Variants in RNF24 observed in about 807,000 individuals in gnomAD.
RNF24 encodes ring finger protein 24.
In RNF24, 14 loss-of-function variants were observed where a neutral mutation model predicts 20.0. That is an observed-to-expected ratio of 0.70 (90% CI 0.46 to 1.10). RNF24 has a LOEUF of 1.10. Among genes scored for constraint, RNF24 ranks in the 50% least tolerant of loss-of-function variants. RNF24 has a pLI of 0.00. For missense variants in RNF24, 124 were observed against 177.6 expected (o/e 0.70, Z 1.71); for synonymous variants, 45 against 61.1 (o/e 0.74, Z 1.23).
chr20:3,946,690 C>T (rs1289531225), intron 3 of RNF24, among the ~76,000 whole-genome samples: 2 of 86,640 alleles, frequency 2.3e-5, no homozygotes. Flanking sequence ...ACAGAGACCC[C>T]GTCAAAAAAA....
At chr20:3,980,493 T>C (rs984618901) in intron 1 of RNF24, among the ~76,000 whole-genome samples, 6 of 152,268 alleles carry the variant, frequency 3.9e-5, no homozygotes, top group South Asian at 4.1e-4. Context: ...CTACTCAGAA[T>C]GGTGAATAAT....
At chr20:3,988,312 T>C (rs1980109704) in intron 1 of RNF24, among the ~76,000 whole-genome samples, 1 of 151,740 alleles carries the variant, frequency 6.6e-6, no homozygotes, top group Non-Finnish European at 1.5e-5. Context: ...TGACAGAGAA[T>C]GATCTTGTCT....
At chr20:4,002,801 A>G (rs73086595) in intron 1 of RNF24, among the ~76,000 whole-genome samples, 18,380 of 152,210 alleles carry the variant, frequency 0.12, 1,438 homozygotes, top group Non-Finnish European at 0.17. Flanking sequence ...TTTAAAAAAA[A>G]CTTTAGGAAT....
At chr20:3,973,500 C>G (rs1409742843) in intron 1 of RNF24, among the ~76,000 whole-genome samples, 1 of 101,120 alleles carries the variant, frequency 9.9e-6, no homozygotes, top group Non-Finnish European at 1.9e-5. Flanking sequence ...GGAAGAATGA[C>G]AAAAAAAAAA....
At chr20:4,010,965 G>A (rs1041638883) in intron 1 of RNF24, among the ~76,000 whole-genome samples, 1 of 152,176 alleles carries the variant, frequency 6.6e-6, no homozygotes, top group African/African-American at 2.4e-5. Flanking sequence ...GAGGCACAAA[G>A]AATAGCATAT....
intron 1 of RNF24, among the ~76,000 whole-genome samples, chr20:3,982,200 T>G (rs560702346): frequency 1.3e-5 from 2 of 151,912 alleles, no homozygotes; most frequent in African/African-American, 4.8e-5. Context: ...ATAGCTTATT[T>G]TGGGGAGAAT....
intron 1 of RNF24, among the ~76,000 whole-genome samples, chr20:3,965,852 G>A (rs959451318): frequency 3.3e-5 from 5 of 152,142 alleles, no homozygotes; most frequent in Non-Finnish European, 5.9e-5. Flanking sequence ...TAAGGGATTA[G>A]GCCAGGTGCA....
At chr20:4,014,746 C>T (rs1982745860) in intron 1 of RNF24, among the ~76,000 whole-genome samples, 1 of 115,632 alleles carries the variant, frequency 8.6e-6, no homozygotes, top group Admixed American at 8.3e-5. Flanking sequence ...TGCGCACACA[C>T]ACACACACAC....
At chr20:3,985,220 G>C (rs919685349) in intron 1 of RNF24, among the ~76,000 whole-genome samples, 3 of 151,580 alleles carry the variant, frequency 2.0e-5, no homozygotes, top group Non-Finnish European at 4.4e-5. Flanking sequence ...ATGTTTCATC[G>C]CAATGTTTTA....
chr20:3,950,496 C>T (rs778106109), intron 2 of RNF24, among the ~76,000 whole-genome samples: 50 of 152,094 alleles, frequency 3.3e-4, no homozygotes, highest in Non-Finnish European at 6.8e-4. Flanking sequence ...ATGGCTCTGC[C>T]AGCACTTTAC....
intron 1 of RNF24, among the ~76,000 whole-genome samples, chr20:3,979,186 TAAC>T (rs1979177347): frequency 6.6e-6 from 1 of 151,718 alleles, no homozygotes; most frequent in Admixed American, 6.6e-5. Flanking sequence ...CTTTGTGTCT[TAAC>T]AAAGAAAACA....
chr20:4,012,913 G>A (rs183147055), intron 1 of RNF24, among the ~76,000 whole-genome samples: 1 of 152,104 alleles, frequency 6.6e-6, no homozygotes, highest in East Asian at 1.9e-4. Context: ...TTGTTTTAAG[G>A]AGACTCCTAA....
chr20:3,963,991 G>C lies in RNF24; in HGVS notation c.27C>G (p.Asn9Lys), dbSNP rs924234320. 7.4e-6 allele frequency: 12 copies of C among 1,613,614 alleles called. No individual in the cohort carries two copies. The highest frequency in any genetic ancestry group is 1.0e-5 in the Non-Finnish European group (12 of 1,179,738). Reference sequence around the variant, plus strand: ...GGAATCCAATATTAGGCATCCTGAAGTTGTAATGTGGGAAATCCGAGCTCA... The same window carrying C: ...GGAATCCAATATTAGGCATCCTGAACTTGTAATGTGGGAAATCCGAGCTCA... MSSDFPHY[N>K]FRMPNIGFQN... Residue 9 changes from asparagine (N) to lysine (K), a missense_variant, in exon 2 of 6, where the codon AAC becomes AAG. Transcript: ENST00000358395.
intron 2 of RNF24, among the ~76,000 whole-genome samples, chr20:3,950,469 G>C (rs2091068712): frequency 6.6e-6 from 1 of 152,168 alleles, no homozygotes; most frequent in South Asian, 2.1e-4. Context: ...CTCTCTCCTA[G>C]AGCCTTCAGA....
chr20:4,014,586 C>T (rs925951468), intron 1 of RNF24, among the ~76,000 whole-genome samples: 2 of 152,132 alleles, frequency 1.3e-5, no homozygotes, highest in African/African-American at 4.8e-5. Context: ...ATAAAACCCA[C>T]TGGTTTTACA....
At chr20:3,969,963 G>A (rs923411038) in intron 1 of RNF24, among the ~76,000 whole-genome samples, 1 of 152,056 alleles carries the variant, frequency 6.6e-6, no homozygotes, top group Non-Finnish European at 1.5e-5. Flanking sequence ...TAGAGACAGA[G>A]TTTCACCATG....
rs373539296 is a variant in RNF24 at position 4,004,504 on chromosome 20, G to GA, written c.-8+10932dup. Among the ~76,000 whole-genome samples the GA allele has an allele frequency of 5.6e-3, 810 of 145,924 alleles. 4 individuals are homozygous for GA. Among genetic ancestry groups the GA allele is most frequent in the South Asian group, 0.023 (108 of 4,624 alleles). On this transcript the variant is annotated intron_variant, in intron 1 of 5. Coordinates refer to ENST00000358395, the MANE Select transcript of RNF24 (RefSeq NM_001134337.3). ...CTTTATTTGAACCGACTTTATTTAA[G>GA]AAAAAAAAAAGGGTCTTTGCAGATA...
At chr20:3,952,931 T>A (rs2091098585) in intron 2 of RNF24, among the ~76,000 whole-genome samples, 1 of 152,204 alleles carries the variant, frequency 6.6e-6, no homozygotes, top group African/African-American at 2.4e-5. Flanking sequence ...TACAATATTT[T>A]GCTGATGAAA....
Position 3,927,463 on chromosome 20 carries a change from TCTG to T in RNF24, c.*6597_*6599del, listed in dbSNP as rs984974521. 8 of 152,222 alleles carry T rather than the reference TCTG, an allele frequency of 5.3e-5. No individual in the cohort carries two copies. The highest frequency in any genetic ancestry group is 1.4e-4 in the African/African-American group (6 of 41,462). 9.4% of individuals were successfully genotyped at this position (152,222 alleles called of 1,614,324 possible). On this transcript the variant is annotated 3_prime_UTR_variant, in exon 6 of 6. Transcript: ENST00000358395. ...AAAAACTGCGAATGTTTAAAAATAT[TCTG>T]CTGCAGAATTTTTAGTGTACAAAGA...
Sources: allele counts gnomAD v4.1 joint callset (sites outside exome capture counted in the v4.1 genomes callset), GRCh38; gene constraint gnomAD v4.1.1; transcripts MANE v1.5; gene names NCBI Gene and HGNC (gene_info 2026-07-23, HGNC 2026-07-21).